The following RABGAP1L variants were observed in gnomAD, a reference collection of about 807,000 sequenced individuals.
RABGAP1L encodes the protein rab GTPase-activating protein 1-like.
A neutral mutation model predicts 137.7 loss-of-function variants in RABGAP1L; 63 were observed. That is an observed-to-expected ratio of 0.46 (90% CI 0.37 to 0.56). The LOEUF (loss-of-function observed/expected upper bound fraction) is 0.56, where lower values mean the gene tolerates loss of function less well. Ranked by LOEUF, RABGAP1L falls within the 20% of genes least tolerant of loss-of-function variation. The pLI is 0.00. For synonymous variants in RABGAP1L, 431 were observed against 433.7 expected, an observed-to-expected ratio of 0.99 and a Z score of 0.08; for missense variants, 1,095 against 1,244.0, an observed-to-expected ratio of 0.88 and a Z score of 1.80.
intron 13 of RABGAP1L, among the ~76,000 whole-genome samples, chr1:174,499,699 C>A (rs765962547): frequency 6.6e-6 from 1 of 152,124 alleles, no homozygotes; most frequent in African/African-American, 2.4e-5. Flanking sequence ...AGATGTTTAG[C>A]GCAGTGCCTG....
chr1:174,786,929 CTG>C (rs1420732582), intron 18 of RABGAP1L, among the ~76,000 whole-genome samples: 1 of 152,154 alleles, frequency 6.6e-6, no homozygotes, highest in Non-Finnish European at 1.5e-5. Context: ...TGACTAAAAA[CTG>C]TTGGGTACTA....
chr1:174,367,615 AT>A, intron 11 of RABGAP1L: 2 of 268,538 alleles, frequency 7.4e-6, no homozygotes, highest in Middle Eastern at 4.9e-4. Context: ...TATGCACTTC[AT>A]TTTGTTTCAG....
intron 18 of RABGAP1L, among the ~76,000 whole-genome samples, chr1:174,760,650 A>G (rs191788946): frequency 1.1e-3 from 160 of 152,298 alleles, no homozygotes; most frequent in Non-Finnish European, 2.0e-3. Context: ...ATGTGTCTTT[A>G]TGGTAGAACA....
chr1:174,802,411 A>C (rs1298295066), intron 18 of RABGAP1L, among the ~76,000 whole-genome samples: 1 of 152,182 alleles, frequency 6.6e-6, no homozygotes, highest in African/African-American at 2.4e-5. Flanking sequence ...GTTTGAGACC[A>C]GCCTGACCAA....
At chr1:174,586,072 T>C (rs539535738) in intron 13 of RABGAP1L, among the ~76,000 whole-genome samples, 14 of 152,266 alleles carry the variant, frequency 9.2e-5, no homozygotes, top group Admixed American at 7.9e-4. Context: ...GATACATGCA[T>C]GCGTATGTTC....
intron 13 of RABGAP1L, chr1:174,545,162 G>T (rs370529943): frequency 2.6e-5 from 4 of 152,628 alleles, no homozygotes; most frequent in African/African-American, 9.6e-5. Flanking sequence ...GTCTGCAGAA[G>T]TTTCTGCTGC....
intron 11 of RABGAP1L, among the ~76,000 whole-genome samples, chr1:174,363,308 T>C (rs1464910942): frequency 2.0e-5 from 3 of 152,220 alleles, no homozygotes; most frequent in Non-Finnish European, 4.4e-5. Flanking sequence ...AGTTTTTTTG[T>C]AGTTCTTTGA....
chr1:174,206,777 T>C (rs1668532874), intron 1 of RABGAP1L, among the ~76,000 whole-genome samples: 1 of 152,170 alleles, frequency 6.6e-6, no homozygotes, highest in Admixed American at 6.5e-5. Context: ...CAGTTAGACA[T>C]TGCTGAATAT....
intron 11 of RABGAP1L, among the ~76,000 whole-genome samples, chr1:174,317,498 C>T (rs1362683502): frequency 6.6e-6 from 1 of 152,098 alleles, no homozygotes; most frequent in East Asian, 1.9e-4. Flanking sequence ...CTTGCTTTGG[C>T]AGAGCTGGTA....
chr1:174,349,963 G>A (rs1682951747), intron 11 of RABGAP1L, among the ~76,000 whole-genome samples: 1 of 117,990 alleles, frequency 8.5e-6, no homozygotes, highest in Non-Finnish European at 1.8e-5. Context: ...TGGGGGGGCT[G>A]ACCCCCCCAT....
At chr1:174,880,556 TCTCC>T (rs566253188) in intron 19 of RABGAP1L, among the ~76,000 whole-genome samples, 73 of 151,220 alleles carry the variant, frequency 4.8e-4, no homozygotes, top group Middle Eastern at 3.4e-3. Flanking sequence ...TTTCCTTCTT[TCTCC>T]CTCCCTCCCT....
chr1:174,323,183 G>T (rs760107293), intron 11 of RABGAP1L, among the ~76,000 whole-genome samples: 56 of 152,028 alleles, frequency 3.7e-4, no homozygotes, highest in South Asian at 1.5e-3. Flanking sequence ...CTGTTTTGTG[G>T]CATATATATT....
chr1:174,644,231 T>C (rs1674771064), intron 14 of RABGAP1L, among the ~76,000 whole-genome samples: 1 of 152,058 alleles, frequency 6.6e-6, no homozygotes, highest in Non-Finnish European at 1.5e-5. Context: ...GAGTGATTTA[T>C]AATACTCTTC....
At chr1:174,514,490 A>G (rs1197004747) in intron 13 of RABGAP1L, among the ~76,000 whole-genome samples, 1 of 152,178 alleles carries the variant, frequency 6.6e-6, no homozygotes, top group Non-Finnish European at 1.5e-5. Context: ...TATAACTTAC[A>G]CAGTTTGCTG....
chr1:174,229,018 G>T (rs866885650), intron 3 of RABGAP1L, among the ~76,000 whole-genome samples: 13 of 148,420 alleles, frequency 8.8e-5, no homozygotes, highest in South Asian at 8.5e-4. Context: ...AAAATGAACA[G>T]TTTTTTTTTT....
At chr1:174,629,710 A>G (rs1013697562) in intron 13 of RABGAP1L, among the ~76,000 whole-genome samples, 29 of 151,964 alleles carry the variant, frequency 1.9e-4, no homozygotes, top group African/African-American at 6.8e-4. Flanking sequence ...TTTTTAGTAG[A>G]GACTGGGTTT....
chr1:174,802,684 C>T (rs528180341), intron 18 of RABGAP1L, among the ~76,000 whole-genome samples: 1 of 152,300 alleles, frequency 6.6e-6, no homozygotes, highest in East Asian at 1.9e-4. Context: ...TACACAGTTG[C>T]ACTTGAAAAA....
chr1:174,833,109 G>A lies in RABGAP1L; in HGVS notation c.2340+21149G>A, dbSNP rs553353155. Among the ~76,000 whole-genome samples the A allele has an allele frequency of 5.0e-4, 76 of 151,964 alleles. 1 individual carries two copies. The highest frequency in any genetic ancestry group is 1.8e-3 in the African/African-American group (73 of 41,466). On this transcript the variant is annotated intron_variant, in intron 19 of 25. Coordinates refer to ENST00000681986, the MANE Select transcript of RABGAP1L (RefSeq NM_001366446.1). ...ACTACCTCTTTTACTCACTATTTTTGTACTAATCTTACACTTTACTACATA... is the reference window on the plus strand; with the variant it reads ...ACTACCTCTTTTACTCACTATTTTTATACTAATCTTACACTTTACTACATA...
intron 21 of RABGAP1L, among the ~76,000 whole-genome samples, chr1:174,973,979 GTT>G (rs58500594): frequency 8.2e-5 from 7 of 85,812 alleles, no homozygotes; most frequent in African/African-American, 2.1e-4. Flanking sequence ...ATTGTTTTTT[GTT>G]TTTTTTTTTT....
Sources: allele counts gnomAD v4.1 joint callset (sites outside exome capture counted in the v4.1 genomes callset), GRCh38; gene constraint gnomAD v4.1.1; transcripts MANE v1.5; gene names NCBI Gene and HGNC (gene_info 2026-07-23, HGNC 2026-07-21).